KCNAB1: variants seen among roughly 807,000 people sequenced by gnomAD.
KCNAB1 encodes potassium voltage-gated channel subfamily A regulatory beta subunit 1.
KCNAB1 carries 35 observed loss-of-function variants against 64.6 expected under a neutral mutation model. The ratio of observed to expected loss-of-function variants is 0.54; its 90% CI spans 0.41 to 0.72. The LOEUF is 0.72. Among genes scored for constraint, KCNAB1 ranks in the 30% least tolerant of loss-of-function variants. KCNAB1 has a pLI of 0.00. For synonymous variants in KCNAB1, 177 were observed against 183.8 expected, an observed-to-expected ratio of 0.96 and a Z score of 0.30; for missense variants, 401 against 512.9, an observed-to-expected ratio of 0.78 and a Z score of 2.11.
chr3:156,136,518 A>C (rs1714355326), intron 1 of KCNAB1, among the ~76,000 whole-genome samples: 2 of 152,232 alleles, frequency 1.3e-5, no homozygotes, highest in Non-Finnish European at 2.9e-5. Flanking sequence ...GCATTACTTC[A>C]GTGTTGACTT....
At chr3:156,516,643 C>G (rs1717586460) in intron 11 of KCNAB1, among the ~76,000 whole-genome samples, 1 of 152,206 alleles carries the variant, frequency 6.6e-6, no homozygotes, top group African/African-American at 2.4e-5. Flanking sequence ...GCTCAAATTC[C>G]TACATTGTTT....
intron 3 of KCNAB1, 140 bp downstream of exon 3, chr3:156,453,076 T>C: frequency 1.8e-6 from 1 of 541,350 alleles, no homozygotes; most frequent in South Asian, 3.6e-5. Flanking sequence ...GACTCAGAGA[T>C]TATTGTTGAT....
At chr3:156,502,105 T>A (rs1444593133) in intron 8 of KCNAB1, among the ~76,000 whole-genome samples, 2 of 152,076 alleles carry the variant, frequency 1.3e-5, no homozygotes, top group Admixed American at 1.3e-4. Context: ...CCAAACCATA[T>A]CAGATGCCAA....
chr3:156,388,655 T>C (rs1220932564), intron 1 of KCNAB1, among the ~76,000 whole-genome samples: 5 of 152,224 alleles, frequency 3.3e-5, no homozygotes, highest in African/African-American at 9.6e-5. Context: ...TTGCAAATGC[T>C]ATTTGAGCCA....
chr3:156,210,774 G>T (rs1156893592), intron 1 of KCNAB1, among the ~76,000 whole-genome samples: 2 of 152,198 alleles, frequency 1.3e-5, no homozygotes, highest in African/African-American at 2.4e-5. Flanking sequence ...ACTGTACCTG[G>T]CAGGCACCTG....
At chr3:156,199,147 C>A (rs1714162927) in intron 1 of KCNAB1, among the ~76,000 whole-genome samples, 1 of 151,880 alleles carries the variant, frequency 6.6e-6, no homozygotes, top group South Asian at 2.1e-4. Flanking sequence ...ATATTGGACC[C>A]CACTCTCTTC....
intron 1 of KCNAB1, among the ~76,000 whole-genome samples, chr3:156,317,088 T>A (rs1722323738): frequency 6.6e-6 from 1 of 152,192 alleles, no homozygotes; most frequent in Admixed American, 6.5e-5. Flanking sequence ...TATTTGGTGG[T>A]GTTTTTCAGT....
At chr3:156,188,589 C>T (rs1186365404) in intron 1 of KCNAB1, among the ~76,000 whole-genome samples, 1 of 152,186 alleles carries the variant, frequency 6.6e-6, no homozygotes, top group East Asian at 1.9e-4. Context: ...AGGTTTTGAA[C>T]AGTTTGTTAG....
chr3:156,327,457 T>C (rs1389836442), intron 1 of KCNAB1, among the ~76,000 whole-genome samples: 1 of 152,208 alleles, frequency 6.6e-6, no homozygotes, highest in African/African-American at 2.4e-5. Context: ...AAATATGATT[T>C]CAAGCCATAT....
At chr3:156,504,049 C>T (rs1455138650) in intron 8 of KCNAB1, among the ~76,000 whole-genome samples, 2 of 152,132 alleles carry the variant, frequency 1.3e-5, no homozygotes, top group Admixed American at 6.5e-5. Context: ...CCAAACTCTC[C>T]GTATCCTCCT....
Position 156,538,101 on chromosome 3 carries a change from A to AGAC in KCNAB1, c.*1355_*1357dup, listed in dbSNP as rs1439075775. 6 of 151,982 alleles carry AGAC rather than the reference A, an allele frequency of 3.9e-5. No homozygotes were observed. Among genetic ancestry groups the AGAC allele is most frequent in the Admixed American group, 3.9e-4 (6 of 15,272 alleles). The allele number at this position is 151,982 out of a possible 1,614,324, so 9.4% of individuals were successfully genotyped here. A position where few individuals can be genotyped will look rare whatever the true frequency, so the allele number is the denominator to read the frequency against. On this transcript the variant is annotated 3_prime_UTR_variant, in exon 14 of 14. Coordinates refer to ENST00000490337, the MANE Select transcript of KCNAB1 (RefSeq NM_172160.3). The stretch of plus-strand genomic sequence containing the variant: ...AATATCCCACTTGAGAAAAATTGTG[A>AGAC]GACTATACTGTGTCAATATCTGTAA...
chr3:156,480,669 CT>C (rs887620237), intron 8 of KCNAB1, among the ~76,000 whole-genome samples: 2 of 151,998 alleles, frequency 1.3e-5, no homozygotes, highest in African/African-American at 4.8e-5. Flanking sequence ...ATATTACATT[CT>C]TTTTTTTCCC....
At chr3:156,484,434 G>A (rs544934371) in intron 8 of KCNAB1, among the ~76,000 whole-genome samples, 38 of 152,258 alleles carry the variant, frequency 2.5e-4, no homozygotes, top group African/African-American at 8.7e-4. Flanking sequence ...GAAAAACAGA[G>A]CTGCTTAGTA....
chr3:156,353,104 AT>A (rs746027526), intron 1 of KCNAB1, among the ~76,000 whole-genome samples: 2 of 152,220 alleles, frequency 1.3e-5, no homozygotes, highest in Non-Finnish European at 2.9e-5. Context: ...TTGGGAAGCA[AT>A]TTGCCAATTG....
chr3:156,258,598 C>T (rs1247037370), intron 1 of KCNAB1, among the ~76,000 whole-genome samples: 1 of 152,152 alleles, frequency 6.6e-6, no homozygotes, highest in African/African-American at 2.4e-5. Context: ...AAATGTCCTC[C>T]CTCCTCCACA....
At chr3:156,374,749 G>A (rs1711535659) in intron 1 of KCNAB1, among the ~76,000 whole-genome samples, 1 of 134,870 alleles carries the variant, frequency 7.4e-6, no homozygotes, top group Non-Finnish European at 1.5e-5. Flanking sequence ...TGGCTGTTCG[G>A]CCTTAGTTAA....
chr3:156,210,156 G>C (rs1490619137), intron 1 of KCNAB1, among the ~76,000 whole-genome samples: 3 of 152,096 alleles, frequency 2.0e-5, no homozygotes, highest in Admixed American at 6.5e-5. Flanking sequence ...GTGAGCTGAG[G>C]GTTGCTGCTC....
At chr3:156,136,160 G>A (rs1320513546) in intron 1 of KCNAB1, among the ~76,000 whole-genome samples, 1 of 152,206 alleles carries the variant, frequency 6.6e-6, no homozygotes, top group Non-Finnish European at 1.5e-5. Flanking sequence ...AGTCCTTGGA[G>A]TTGTGCAGTG....
In KCNAB1 at chr3:156,463,740, G is replaced by A; in HGVS notation, c.521G>A (p.Gly174Asp). 6.2e-7 allele frequency: 1 copy of A among 1,602,896 alleles called. No individual in the cohort carries two copies. Among genetic ancestry groups the A allele is most frequent in the Non-Finnish European group, 8.5e-7 (1 of 1,176,262 alleles). ...SLVITTKLYW[G>D]GKAETERGLS... ...GTCATAACAACCAAACTCTACTGGG[G>A]TGGAAAGTAAGTTATTTTTCCTACT... The change falls in exon 6 of 14, where the codon GGT becomes GAT. Residue 174 changes from glycine (G) to aspartate (D), a missense_variant. By Grantham distance (94) the Gly-to-Asp change is moderately conservative. Coordinates refer to ENST00000490337, the MANE Select transcript of KCNAB1 (RefSeq NM_172160.3).
Sources: allele counts gnomAD v4.1 joint callset (sites outside exome capture counted in the v4.1 genomes callset), GRCh38; gene constraint gnomAD v4.1.1; transcripts MANE v1.5; gene names NCBI Gene and HGNC (gene_info 2026-07-23, HGNC 2026-07-21).